The following MPHOSPH9 variants were observed in gnomAD, a reference collection of about 807,000 sequenced individuals.
The protein encoded by MPHOSPH9 is M-phase phosphoprotein 9.
Under a neutral mutation model 145.5 loss-of-function variants are expected in MPHOSPH9, and 88 were observed. The observed-to-expected ratio is 0.60, with a 90% CI of 0.51 to 0.72. The LOEUF is 0.72. MPHOSPH9 is among the 30% of genes least tolerant of loss of function. The pLI, the probability that MPHOSPH9 is intolerant of heterozygous loss-of-function variation, is 0.00. For synonymous variants in MPHOSPH9, 435 were observed against 486.2 expected, an observed-to-expected ratio of 0.89 and a Z score of 1.39; for missense variants, 1,238 against 1,386.6, an observed-to-expected ratio of 0.89 and a Z score of 1.70.
At chr12:123,160,874 T>C (rs761896860) in intron 22 of MPHOSPH9, 25 bp from the exon 23 acceptor site, 1 of 1,608,120 alleles carries the variant, frequency 6.2e-7, no homozygotes, top group Admixed American at 1.7e-5. Flanking sequence ...AAAAAATATG[T>C]TTAAATTACT....
intron 2 of MPHOSPH9, among the ~76,000 whole-genome samples, chr12:123,229,144 C>A (rs1252865980): frequency 6.6e-6 from 1 of 152,090 alleles, no homozygotes; most frequent in African/African-American, 2.4e-5. Context: ...ATTTATAATA[C>A]ACAATTTCTT....
At chr12:123,235,032 A>G (rs2047820822), upstream of MPHOSPH9, among the ~76,000 whole-genome samples, 1 of 152,244 alleles carries the variant, frequency 6.6e-6, no homozygotes, top group Admixed American at 6.5e-5. Context: ...CTCTAAAACA[A>G]AGGCCGATGA....
chr12:123,195,268 C>T (rs1038308062), intron 12 of MPHOSPH9, among the ~76,000 whole-genome samples: 5 of 152,080 alleles, frequency 3.3e-5, no homozygotes, highest in Non-Finnish European at 5.9e-5. Context: ...AAAAACATTT[C>T]ATACCCTCTC....
Position 123,198,248 on chromosome 12 carries a change from A to T in MPHOSPH9, c.2024T>A (p.Val675Glu). The T allele has an allele frequency of 6.2e-7, 1 of 1,606,154 alleles. No individual in the cohort carries two copies. Among genetic ancestry groups the T allele is most frequent in the Non-Finnish European group, 8.5e-7 (1 of 1,174,776 alleles). ...ACCCACCAAAAAAAGAGTACTTACC[A>T]CTTCAATTTCCAGTAAGTTATTCTT... ...ENKNNLLEIE[V>E]NDLRERFSAA... The change falls in exon 12 of 24, where the codon GTG becomes GAG. Residue 675 changes from valine (V) to glutamate (E), a missense_variant and splice_region_variant. Val to Glu is a moderately radical substitution (Grantham distance 121). This residue lies in a region of MPHOSPH9 where 837 missense variants were observed against 897.5 expected (regional missense o/e 0.93). Transcript: ENST00000606320.
chr12:123,158,713 C>T (rs1448669861), intron 23 of MPHOSPH9, among the ~76,000 whole-genome samples: 2 of 151,858 alleles, frequency 1.3e-5, no homozygotes, highest in Non-Finnish European at 2.9e-5. Context: ...CTCACTGCAA[C>T]CTCCAACTCT....
In MPHOSPH9 at chr12:123,194,682, C is replaced by T. The variant is rs1025950024; in HGVS notation, c.2026-81G>A. 47 of 1,045,418 alleles carry T rather than the reference C, an allele frequency of 4.5e-5. No homozygotes were observed. The Middle Eastern group carries it at 9.5e-4, about 21-fold the overall frequency. 64.8% of individuals were successfully genotyped at this position (1,045,418 alleles called of 1,614,324 possible). ...TGTTGCCCAAGCTGGAGTACAATGG[C>T]GCAATCTTGGCCTACTGCAACCTCT... On this transcript the variant is annotated intron_variant, in intron 12 of 23. Coordinates refer to ENST00000606320, the MANE Select transcript of MPHOSPH9 (RefSeq NM_022782.4).
At chr12:123,189,994 C>G (rs912850987) in intron 13 of MPHOSPH9, among the ~76,000 whole-genome samples, 1 of 151,346 alleles carries the variant, frequency 6.6e-6, no homozygotes, top group Admixed American at 6.6e-5. Context: ...TTTCAAGATA[C>G]GCCAAAGAAG....
At chr12:123,224,523 G>A (rs377410192) in intron 3 of MPHOSPH9, among the ~76,000 whole-genome samples, 2 of 151,926 alleles carry the variant, frequency 1.3e-5, no homozygotes, top group Admixed American at 1.3e-4. Context: ...CACCCGCCTC[G>A]GTCTCCCAAA....
chr12:123,227,419 A>T (rs1324429173), intron 3 of MPHOSPH9, 44 bp downstream of exon 3: 3 of 1,351,494 alleles, frequency 2.2e-6, no homozygotes, highest in Admixed American at 5.4e-5. Context: ...GTATGTTTTA[A>T]CATAATTATT....
chr12:123,162,248 A>C, intron 20 of MPHOSPH9, 30 bp from the exon 21 acceptor site: 1 of 1,282,242 alleles, frequency 7.8e-7, no homozygotes, highest in Non-Finnish European at 1.1e-6. Context: ...ACTTGTGAGA[A>C]AAAAAATGTT....
intron 5 of MPHOSPH9, among the ~76,000 whole-genome samples, chr12:123,220,986 C>T (rs1037453673): frequency 5.3e-5 from 8 of 152,038 alleles, no homozygotes; most frequent in Non-Finnish European, 1.2e-4. Flanking sequence ...ACCCGGGAGG[C>T]GGAGCTTGCA....
intron 3 of MPHOSPH9, among the ~76,000 whole-genome samples, chr12:123,225,393 G>C (rs1435447776): frequency 1.4e-5 from 2 of 146,360 alleles, no homozygotes; most frequent in Non-Finnish European, 3.0e-5. Flanking sequence ...ACAGTGAACA[G>C]AGATTGTGCC....
chr12:123,209,741 T>TG (rs937830590), intron 8 of MPHOSPH9, among the ~76,000 whole-genome samples: 2 of 148,114 alleles, frequency 1.4e-5, no homozygotes, highest in Non-Finnish European at 3.0e-5. Flanking sequence ...TTTGTTGTTT[T>TG]TTTTTTTTTT....
At chr12:123,182,963 C>T (rs571066740) in intron 13 of MPHOSPH9, among the ~76,000 whole-genome samples, 1 of 151,640 alleles carries the variant, frequency 6.6e-6, no homozygotes, top group African/African-American at 2.4e-5. Context: ...CCTGTAATCC[C>T]AGCACTTTGG....
chr12:123,224,625 C>G (rs780713299), intron 3 of MPHOSPH9, among the ~76,000 whole-genome samples: 1 of 152,086 alleles, frequency 6.6e-6, no homozygotes, highest in Non-Finnish European at 1.5e-5. Flanking sequence ...TGTGAGGTCA[C>G]GGTCATGACA....
At chr12:123,218,334 C>G in intron 6 of MPHOSPH9, 42 bp downstream of exon 6, 1 of 1,610,820 alleles carries the variant, frequency 6.2e-7, no homozygotes, top group Non-Finnish European at 8.5e-7. Flanking sequence ...CCCACATAAT[C>G]ATCAGTACTG....
intron 23 of MPHOSPH9, among the ~76,000 whole-genome samples, chr12:123,157,569 C>T (rs1460591778): frequency 1.3e-5 from 2 of 152,152 alleles, no homozygotes; most frequent in Admixed American, 6.5e-5. Context: ...CAGCCTCAAA[C>T]TCCTGGACTC....
chr12:123,162,418 CACTT>C, intron 20 of MPHOSPH9, 200 bp from the exon 21 acceptor site: 1 of 359,600 alleles, frequency 2.8e-6, no homozygotes, highest in East Asian at 4.4e-5. Context: ...AGACTTAAAA[CACTT>C]ACCCATACAT....
intron 13 of MPHOSPH9, among the ~76,000 whole-genome samples, chr12:123,190,642 A>C (rs2045638839): frequency 6.6e-6 from 1 of 152,234 alleles, no homozygotes; most frequent in Admixed American, 6.5e-5. Flanking sequence ...AGCAGGATAT[A>C]TGCAATGCAA....
Sources: allele counts gnomAD v4.1 joint callset (sites outside exome capture counted in the v4.1 genomes callset), GRCh38; gene constraint gnomAD v4.1.1; regional missense constraint gnomAD v4.1.1; transcripts MANE v1.5; gene names NCBI Gene and HGNC (gene_info 2026-07-23, HGNC 2026-07-21).